ZNF69: variants seen among roughly 807,000 people sequenced by gnomAD.
ZNF69 encodes ZNF3.
ZNF69 carries 47 observed loss-of-function variants against 50.9 expected under a neutral mutation model. The observed-to-expected ratio is 0.92, with a 90% CI of 0.73 to 1.18. ZNF69 has a LOEUF of 1.18. Among genes scored for constraint, ZNF69 ranks in the 50% most tolerant of loss-of-function variants. The pLI is 0.00. For missense variants in ZNF69, 717 were observed against 675.1 expected (o/e 1.06, Z -0.69); for synonymous variants, 216 against 223.1 (o/e 0.97, Z 0.29).
At chr19:11,956,507 G>A in the ZNF69 span, 3 of 398,316 alleles carry the variant, frequency 7.5e-6, no homozygotes, top group Admixed American at 4.4e-5. Context: ...TGAAACAGAG[G>A]CCTGAGTCCA....
chr19:11,935,941 A>G, the ZNF69 span, among the ~76,000 whole-genome samples: 2 of 152,068 alleles, frequency 1.3e-5, no homozygotes, highest in Admixed American at 1.3e-4. Context: ...CCCACCTATG[A>G]GTGAGAATAT....
chr19:11,912,943 C>T (rs986289093), intron 4 of ZNF69, among the ~76,000 whole-genome samples: 5 of 152,094 alleles, frequency 3.3e-5, no homozygotes, highest in Admixed American at 6.5e-5. Flanking sequence ...GGCTTATGCC[C>T]GTAATCCCAC....
At position 11,904,846 on chromosome 19, in the gene ZNF69, G is replaced by A; in HGVS notation, c.449G>A (p.Gly150Glu). 3 of 1,614,078 alleles carry A rather than the reference G, an allele frequency of 1.9e-6. No homozygotes were observed. The highest frequency in any genetic ancestry group is 2.5e-6 in the Non-Finnish European group (3 of 1,180,014). Residue 150 changes from glycine (G) to glutamate (E), a missense_variant, in exon 4 of 4, where the codon GGA (glycine) becomes GAA (glutamate). Gly to Glu is a moderately conservative substitution (Grantham distance 98). Transcript: ENST00000429654. ...SFNMNIRGDI[G>E]HKAYEYQEYG... is the part of the protein sequence containing the mutation. ...AATATGAACATCAGAGGTGACATTGGACACAAGGCCTATGAGTATCAGGAA... is the reference window on the plus strand; with the variant it reads ...AATATGAACATCAGAGGTGACATTGAACACAAGGCCTATGAGTATCAGGAA...
At chr19:11,930,725 G>A in the ZNF69 span, among the ~76,000 whole-genome samples, 8 of 148,164 alleles carry the variant, frequency 5.4e-5, no homozygotes, top group African/African-American at 2.1e-4. Context: ...CCCAGACTGG[G>A]TGTGGTGGCT....
At chr19:11,949,293 T>C in the ZNF69 span, 3 of 1,614,036 alleles carry the variant, frequency 1.9e-6, no homozygotes, top group Non-Finnish European at 2.5e-6. Context: ...GTAAGCAGTG[T>C]GGGAAAGCCT....
chr19:11,964,811 CAA>C, the ZNF69 span, among the ~76,000 whole-genome samples: 1 of 152,224 alleles, frequency 6.6e-6, no homozygotes, highest in Non-Finnish European at 1.5e-5. Context: ...ATATCTGTAG[CAA>C]GTCTGGCTGA....
the ZNF69 span, chr19:11,949,573 T>G: frequency 6.2e-7 from 1 of 1,612,354 alleles, no homozygotes; most frequent in East Asian, 2.2e-5. Flanking sequence ...TGAGAAAGGC[T>G]TTTATTCTGC....
chr19:11,897,962 G>C (rs1972163843), intron 1 of ZNF69, among the ~76,000 whole-genome samples: 1 of 151,856 alleles, frequency 6.6e-6, no homozygotes, highest in Non-Finnish European at 1.5e-5. Flanking sequence ...GCAGACTGTT[G>C]CTGATAATTA....
the ZNF69 span, among the ~76,000 whole-genome samples, chr19:11,966,326 C>G: frequency 6.6e-6 from 1 of 152,118 alleles, no homozygotes; most frequent in African/African-American, 2.4e-5. Context: ...TTTGGGGGTT[C>G]CCTTGGCCAA....
the ZNF69 span, chr19:11,949,005 C>T: frequency 2.5e-6 from 4 of 1,605,864 alleles, no homozygotes; most frequent in African/African-American, 1.3e-5. Flanking sequence ...ATGAAAGGAC[C>T]CACTCTGGGA....
chr19:11,976,826 C>T, the ZNF69 span: 9 of 1,376,630 alleles, frequency 6.5e-6, no homozygotes, highest in Middle Eastern at 2.7e-4. Context: ...TATACTCCAG[C>T]CTGGGCAACA....
the ZNF69 span, chr19:11,977,119 T>G: frequency 6.2e-7 from 1 of 1,614,168 alleles, no homozygotes. Context: ...GAGGAAACTC[T>G]ACAGGGAAGT....
At chr19:11,926,699 T>G in the ZNF69 span, 2 of 154,262 alleles carry the variant, frequency 1.3e-5, no homozygotes, top group South Asian at 4.1e-4. Flanking sequence ...AGAGGTATGT[T>G]TTTATTTTTA....
At chr19:11,959,009 A>G in the ZNF69 span, among the ~76,000 whole-genome samples, 1 of 152,076 alleles carries the variant, frequency 6.6e-6, no homozygotes, top group Non-Finnish European at 1.5e-5. Flanking sequence ...CAGCCTCCCA[A>G]GTTGCTGGGA....
At chr19:11,889,822 G>A (rs1045106738) in intron 1 of ZNF69, among the ~76,000 whole-genome samples, 3 of 152,210 alleles carry the variant, frequency 2.0e-5, no homozygotes, top group South Asian at 2.1e-4. Context: ...CTATCTTGGC[G>A]AGGGGAGTGT....
chr19:11,907,917 T>C (rs1972403346), downstream of ZNF69, among the ~76,000 whole-genome samples: 1 of 152,170 alleles, frequency 6.6e-6, no homozygotes, highest in South Asian at 2.1e-4. Context: ...TGTGCTGTAT[T>C]CAGGAGACCC....
chr19:11,916,475 T>C (rs929123160), downstream of ZNF69, among the ~76,000 whole-genome samples: 1 of 152,068 alleles, frequency 6.6e-6, no homozygotes, highest in Middle Eastern at 3.2e-3. Context: ...ATTAGCTGGG[T>C]GTGGTGGCAC....
the ZNF69 span, among the ~76,000 whole-genome samples, chr19:11,960,994 A>G: frequency 6.6e-6 from 1 of 152,292 alleles, no homozygotes; most frequent in African/African-American, 2.4e-5. Context: ...ATATATACTT[A>G]GAGGCCAGGT....
the ZNF69 span, chr19:11,948,400 T>C: frequency 6.2e-7 from 1 of 1,614,134 alleles, no homozygotes; most frequent in Non-Finnish European, 8.5e-7. Context: ...AGTAAAATCA[T>C]GTGACAGCTT....
Sources: gnomAD v4.1 joint callset for allele counts (sites outside exome capture counted in the v4.1 genomes callset) on GRCh38, gnomAD v4.1.1 for gene constraint, MANE v1.5 for transcripts, NCBI Gene and HGNC (gene_info 2026-07-23, HGNC 2026-07-21) for gene names.